The following IGDCC3 variants were observed in gnomAD, a reference collection of about 807,000 sequenced individuals.
The protein encoded by IGDCC3 is putative neuronal cell adhesion molecule.
Under a neutral mutation model 72.0 loss-of-function variants are expected in IGDCC3, and 47 were observed. The ratio of observed to expected loss-of-function variants is 0.65; its 90% confidence interval spans 0.52 to 0.83. The LOEUF is 0.83. Ranked by LOEUF, IGDCC3 falls within the 40% of genes least tolerant of loss-of-function variation. The probability of loss-of-function intolerance (pLI) is 0.00; values close to 1 mark genes in which losing one functional copy is unlikely to be tolerated. For missense variants in IGDCC3, 1,038 were observed against 1,091.3 expected (o/e 0.95, Z 0.69); for synonymous variants, 477 against 472.8 (o/e 1.01, Z -0.11).
At chr15:65,335,211 C>T in intron 4 of IGDCC3, 80 bp downstream of exon 4, 1 of 1,476,172 alleles carries the variant, frequency 6.8e-7, no homozygotes, top group East Asian at 2.3e-5. Context: ...CAGAGGCCAG[C>T]TGAAGGGGGT....
At chr15:65,370,395 T>G (rs932715313) in intron 2 of IGDCC3, among the ~76,000 whole-genome samples, 3 of 150,676 alleles carry the variant, frequency 2.0e-5, no homozygotes, top group Non-Finnish European at 4.4e-5. Flanking sequence ...GAACCTGTAA[T>G]CCCAGCTACT....
chr15:65,331,508 A>G lies in IGDCC3; in HGVS notation c.1300T>C (p.Ser434Pro). 6.2e-7 allele frequency: 1 copy of G among 1,613,798 alleles called. No individual in the cohort carries two copies. Among genetic ancestry groups the G allele is most frequent in the Non-Finnish European group, 8.5e-7 (1 of 1,179,972 alleles). ...PGPPRNVRAV[S>P]VSSTEVRVSW... ...ACACGCACCTCAGTGGAAGACACAG[A>G]GACTGCCCGCACATTGCGGGGAGGC... Residue 434 changes from serine (S) to proline (P), a missense_variant, in exon 8 of 14, where the codon TCT (serine) becomes CCT (proline). By Grantham distance (74) the Ser-to-Pro change is moderately conservative (BLOSUM62 -1). Coordinates refer to ENST00000327987, the MANE Select transcript of IGDCC3 (RefSeq NM_004884.4).
chr15:65,336,506 G>A (rs926709028), intron 2 of IGDCC3, among the ~76,000 whole-genome samples: 13 of 151,766 alleles, frequency 8.6e-5, no homozygotes, highest in Admixed American at 7.2e-4. Context: ...ACCAGGGCCC[G>A]GGAGCTTTTT....
rs146421107 is a variant in IGDCC3 at position 65,331,602 on chromosome 15, G to A, written c.1206C>T (p.Ala402=). 587 of 1,613,176 alleles carry A rather than the reference G, an allele frequency of 3.6e-4. No individual in the cohort carries two copies. Among genetic ancestry groups the A allele is most frequent in the Non-Finnish European group, 4.6e-4 (545 of 1,179,606 alleles). Residue 402 remains alanine (A), a synonymous_variant, in exon 8 of 14, where the codon GCC becomes GCT. Coordinates refer to ENST00000327987, the MANE Select transcript of IGDCC3 (RefSeq NM_004884.4). The part of the protein sequence containing the change: ...PEDEAIYQCV[A]ENSAGSSQAS... ...CCTGTGATGAGCCCGCACTGTTCTC[G>A]GCCACACACTGATAAATGGCTTCAT...
chr15:65,354,993 G>A (rs143219689), intron 2 of IGDCC3, among the ~76,000 whole-genome samples: 1 of 152,310 alleles, frequency 6.6e-6, no homozygotes, highest in Admixed American at 6.5e-5. Context: ...CTCTGGAAGT[G>A]ACCCTAGGAC....
intron 2 of IGDCC3, among the ~76,000 whole-genome samples, chr15:65,344,981 A>G (rs603439): frequency 0.49 from 74,520 of 151,964 alleles, 19,755 homozygotes; most frequent in African/African-American, 0.71. Flanking sequence ...CCAACCCCAC[A>G]GCCAGGTTTT....
rs1239613772 is a variant in IGDCC3 at position 65,331,209 on chromosome 15, G to A, written c.1402C>T (p.Pro468Ser). Residue 468 changes from proline to serine, a missense_variant, in exon 9 of 14, where the codon CCG becomes TCG. Pro to Ser is a moderately conservative substitution (Grantham distance 74, BLOSUM62 -1). Transcript: ENST00000327987. Reference protein sequence around the residue: ...VLHIRKAADPPELEYQEAVSK... With the variant: ...VLHIRKAADPSELEYQEAVSK... ...ACTGCCTCCTGATACTCCAGCTCCG[G>A]TGGGTCTGGAGAGGCACAGGGTGGG... 8 of 1,613,822 alleles carry A rather than the reference G, an allele frequency of 5.0e-6. No individual in the cohort carries two copies. The highest frequency in any genetic ancestry group is 1.3e-5 in the African/African-American group (1 of 74,912).
intron 2 of IGDCC3, among the ~76,000 whole-genome samples, chr15:65,371,526 T>C (rs2091325816): frequency 6.6e-6 from 1 of 152,214 alleles, no homozygotes; most frequent in Admixed American, 6.5e-5. Flanking sequence ...ACCAGCTGTA[T>C]TGGCATTACC....
In IGDCC3 at chr15:65,360,719, A is replaced by G. The variant is rs955755247; in HGVS notation, c.409+14378T>C. 2.0e-5 allele frequency among the ~76,000 whole-genome samples: 3 copies of G among 152,214 alleles called. No individual in the cohort carries two copies. In the South Asian group the frequency reaches 6.2e-4, roughly 32 times the overall value. On this transcript the variant is annotated intron_variant, in intron 2 of 13. Coordinates refer to ENST00000327987, the MANE Select transcript of IGDCC3 (RefSeq NM_004884.4). ...CCTATTCAGCTCTGGCTCTGAAGCT[A>G]GAGCCCAAATCCCATTTGACCAATC...
chr15:65,344,542 T>TG, intron 2 of IGDCC3, among the ~76,000 whole-genome samples: 1 of 152,080 alleles, frequency 6.6e-6, no homozygotes. Context: ...TGGGGGGCAG[T>TG]GGGAGGTTGG....
In IGDCC3 at chr15:65,328,593, T is replaced by C. The variant is rs1188527191; in HGVS notation, c.*316A>G. On this transcript the variant is annotated 3_prime_UTR_variant, in exon 14 of 14. Transcript: ENST00000327987. ...TTCCTCTATCTCTCTCCTCTTTTTT[T>C]TTTTTTTTAAGTTTTGCTTTTTAAA... is the stretch of plus-strand genomic sequence containing the variant. 1 of 249,594 alleles carries C rather than the reference T, an allele frequency of 4.0e-6. No individual in the cohort carries two copies. Among genetic ancestry groups the C allele is most frequent in the East Asian group, 7.1e-5 (1 of 13,994 alleles). The allele number at this position is 249,594 out of a possible 1,614,324, so 15.5% of individuals were successfully genotyped here.
chr15:65,331,816 C>T, intron 7 of IGDCC3, 125 bp downstream of exon 7: 3 of 1,392,480 alleles, frequency 2.2e-6, no homozygotes, highest in South Asian at 2.7e-5. Flanking sequence ...CCACCTCAAT[C>T]TCCAGACTCC....
chr15:65,372,873 A>G (rs575943249), intron 2 of IGDCC3, among the ~76,000 whole-genome samples: 1 of 152,310 alleles, frequency 6.6e-6, no homozygotes, highest in Admixed American at 6.5e-5. Context: ...AAGCGGATCC[A>G]GCCGCACCGT....
intron 11 of IGDCC3, 99 bp downstream of exon 11, chr15:65,330,194 G>A (rs2090963528): frequency 3.3e-6 from 3 of 917,898 alleles, no homozygotes; most frequent in East Asian, 4.8e-5. Context: ...TCAAACTGTG[G>A]TCTAAGCCTG....
chr15:65,368,472 GC>G (rs1430796841), intron 2 of IGDCC3, among the ~76,000 whole-genome samples: 6 of 152,306 alleles, frequency 3.9e-5, no homozygotes, highest in Admixed American at 3.3e-4. Flanking sequence ...TGACAGTGGA[GC>G]CAAGGTGTGG....
At chr15:65,346,388 T>C (rs948805610) in intron 2 of IGDCC3, among the ~76,000 whole-genome samples, 4 of 151,948 alleles carry the variant, frequency 2.6e-5, no homozygotes, top group Non-Finnish European at 5.9e-5. Flanking sequence ...TTTCCTGTTG[T>C]GGGGGGATTG....
chr15:65,334,522 T>G (rs1292165037), intron 5 of IGDCC3: 3 of 535,570 alleles, frequency 5.6e-6, no homozygotes, highest in African/African-American at 4.0e-5. Context: ...CCTGCAGGGA[T>G]GAGAATGGGG....
chr15:65,331,738 CTG>C, intron 7 of IGDCC3, 79 bp from the exon 8 acceptor site: 2 of 1,484,520 alleles, frequency 1.3e-6, no homozygotes, highest in Non-Finnish European at 1.8e-6. Flanking sequence ...GATGGAGAAA[CTG>C]AGTCTTTCCA....
intron 2 of IGDCC3, among the ~76,000 whole-genome samples, chr15:65,340,813 C>A (rs1480187730): frequency 6.6e-6 from 1 of 152,234 alleles, no homozygotes; most frequent in Admixed American, 6.5e-5. Context: ...ACTGCAACCT[C>A]TGCCTCCTGG....
Sources: allele counts gnomAD v4.1 joint callset (sites outside exome capture counted in the v4.1 genomes callset), GRCh38; gene constraint gnomAD v4.1.1; transcripts MANE v1.5; gene names NCBI Gene and HGNC (gene_info 2026-07-23, HGNC 2026-07-21).